The following FNBP1 variants were observed in gnomAD, a reference collection of about 807,000 sequenced individuals.
FNBP1 encodes the protein formin binding protein 1.
In FNBP1, 26 loss-of-function variants were observed where a neutral mutation model predicts 90.6. The observed-to-expected ratio is 0.29, with a 90% CI of 0.21 to 0.40. FNBP1 has a LOEUF of 0.40. Among genes scored for constraint, FNBP1 ranks in the 10% least tolerant of loss-of-function variants. The pLI is 1.00. For missense variants in FNBP1, 635 were observed against 768.0 expected, an observed-to-expected ratio of 0.83 and a Z score of 2.05; for synonymous variants, 260 against 265.2, an observed-to-expected ratio of 0.98 and a Z score of 0.19.
rs1342853020 is a variant in FNBP1, at chr9:130,042,257, G to A, written c.24+695C>T. On this transcript the variant is annotated intron_variant, in intron 1 of 16. Transcript: ENST00000446176. This position sits in a 1 kb window ranked among gnomAD's most constrained non-coding sequence, Gnocchi z 5.5. The stretch of plus-strand genomic sequence containing the variant: ...GTTAAAGATCATTGACCCCGCGAAC[G>A]CCTCTTCCTGAGGTAGATCACGTAA... Among the ~76,000 whole-genome samples the A allele has an allele frequency of 6.6e-6, 1 of 152,064 alleles. No individual in the cohort carries two copies. The highest frequency in any genetic ancestry group is 1.5e-5 in the Non-Finnish European group (1 of 68,000).
intron 10 of FNBP1, among the ~76,000 whole-genome samples, chr9:129,920,639 A>C (rs1699849011): frequency 6.6e-6 from 1 of 152,118 alleles, no homozygotes; most frequent in Non-Finnish European, 1.5e-5. Flanking sequence ...TTTATTGATT[A>C]CTGAATTCTT....
intron 12 of FNBP1, among the ~76,000 whole-genome samples, chr9:129,907,578 A>AGGG (rs1357383985): frequency 8.5e-6 from 1 of 117,432 alleles, no homozygotes; most frequent in African/African-American, 3.3e-5. Context: ...GCTAGGAGTG[A>AGGG]GGGTGTGTGT....
chr9:129,915,980 G>C lies in FNBP1; in HGVS notation c.1171C>G (p.Leu391Val). The change falls in exon 11 of 17, where the codon CTT (leucine) becomes GTT (valine). Residue 391 changes from leucine to valine, a missense_variant and splice_region_variant. Transcript: ENST00000446176. ...IHCFRSLKRG[L>V]SLKLGATPED... ...ATTGTGCTTACCAGCTTGAGAGAAA[G>C]CTTCATGTAAAAATTGGAGAGGTAT... 1 of 1,608,026 alleles carries C rather than the reference G, an allele frequency of 6.2e-7. No homozygotes were observed. The highest frequency in any genetic ancestry group is 8.5e-7 in the Non-Finnish European group (1 of 1,175,310).
intron 11 of FNBP1, 87 bp from the exon 12 acceptor site, chr9:129,909,086 G>A: frequency 1.2e-6 from 1 of 867,812 alleles, no homozygotes; most frequent in Non-Finnish European, 2.0e-6. Flanking sequence ...GCCATGGGGG[G>A]TGCAGACATC....
chr9:129,896,085 C>G (rs2035687907), intron 15 of FNBP1, 89 bp from the exon 16 acceptor site: 22 of 1,379,976 alleles, frequency 1.6e-5, no homozygotes, highest in Non-Finnish European at 2.2e-5. Context: ...CAAGTGTCGT[C>G]GAAGATGAAG....
chr9:129,935,121 A>T (rs982430706), intron 6 of FNBP1, among the ~76,000 whole-genome samples: 25 of 127,046 alleles, frequency 2.0e-4, no homozygotes, highest in Admixed American at 4.1e-4. Flanking sequence ...TGTTTAGCTC[A>T]TTTTTTTTTT....
At chr9:129,940,460 A>G (rs1333645855) in intron 6 of FNBP1, among the ~76,000 whole-genome samples, 2 of 152,160 alleles carry the variant, frequency 1.3e-5, no homozygotes, top group Non-Finnish European at 2.9e-5. Context: ...AAGTTACATC[A>G]TATGTAATAT....
At chr9:130,024,545 C>T (rs551344512) in intron 1 of FNBP1, among the ~76,000 whole-genome samples, 18 of 152,148 alleles carry the variant, frequency 1.2e-4, no homozygotes, top group Non-Finnish European at 2.2e-4. Flanking sequence ...CTCTAACAAT[C>T]CAATGCCAAT....
At chr9:129,965,520 G>C (rs1415790751) in intron 4 of FNBP1, among the ~76,000 whole-genome samples, 2 of 152,024 alleles carry the variant, frequency 1.3e-5, no homozygotes, top group African/African-American at 2.4e-5. Flanking sequence ...ATGCAGCAAT[G>C]ATCTTTTATC....
At chr9:129,965,798 G>GA (rs1336364653) in intron 4 of FNBP1, among the ~76,000 whole-genome samples, 2,387 of 122,508 alleles carry the variant, frequency 0.019, 44 homozygotes, top group Non-Finnish European at 0.022. Context: ...GGGAGGGAGG[G>GA]GGGAAGGAGG....
At chr9:129,985,206 G>A (rs898749353) in intron 2 of FNBP1, among the ~76,000 whole-genome samples, 1 of 152,068 alleles carries the variant, frequency 6.6e-6, no homozygotes, top group Non-Finnish European at 1.5e-5. Flanking sequence ...GAAATGGAAC[G>A]AAGTGTGGCA....
rs1018506252 is a variant in FNBP1 at position 130,014,565 on chromosome 9, C to T, written c.25-19607G>A. Among the ~76,000 whole-genome samples, 5 of 152,088 alleles carry T rather than the reference C, an allele frequency of 3.3e-5. No individual in the cohort carries two copies. The East Asian group carries it at 9.6e-4, about 29-fold the overall frequency. The stretch of plus-strand genomic sequence containing the variant: ...CCGTGCCCAGCCTAATGTTCTATTT[C>T]TTAGGCTGGGTGGCATGTACATGGA... On this transcript the variant is annotated intron_variant, in intron 1 of 16. Coordinates refer to ENST00000446176, the MANE Select transcript of FNBP1 (RefSeq NM_015033.3).
rs1228272465 is a variant in FNBP1, at chr9:130,041,993, T to C, written c.24+959A>G. 6.6e-6 allele frequency among the ~76,000 whole-genome samples: 1 copy of C among 152,110 alleles called. No individual in the cohort carries two copies. Among genetic ancestry groups the C allele is most frequent in the Non-Finnish European group, 1.5e-5 (1 of 68,024 alleles). ...CTTGAGGGCATTTCAGTGCAGTAAC[T>C]GAGATTTCGTCTGCTCCTTCCCGGG... On this transcript the variant is annotated intron_variant, in intron 1 of 16. Coordinates refer to ENST00000446176, the MANE Select transcript of FNBP1 (RefSeq NM_015033.3). This position sits in a 1 kb window ranked among gnomAD's most constrained non-coding sequence, Gnocchi z 4.3.
chr9:130,050,825 G>GTTT, the FNBP1 span, among the ~76,000 whole-genome samples: 3 of 147,194 alleles, frequency 2.0e-5, no homozygotes, highest in Admixed American at 6.8e-5. Flanking sequence ...TTTTTTTTTT[G>GTTT]TTTTTTTGTT....
chr9:129,936,274 T>C (rs1248763062), intron 6 of FNBP1: 1 of 152,194 alleles, frequency 6.6e-6, no homozygotes, highest in East Asian at 1.9e-4. Flanking sequence ...TATGTTAGGA[T>C]GGATGGAAAT....
In FNBP1 at chr9:129,908,952, CCTT is replaced by C; in HGVS notation, c.1230_1232del (p.Arg411del). 1 of 1,613,786 alleles carries C rather than the reference CCTT, an allele frequency of 6.2e-7. No individual in the cohort carries two copies. Among genetic ancestry groups the C allele is most frequent in the Non-Finnish European group, 8.5e-7 (1 of 1,179,826 alleles). ...CATCGACTTTCTGCTGCAGCTTTTT[CCTT>C]CTTTGTTCAGGTGGGAGGTTGCTGA... On this transcript the variant is annotated inframe_deletion, in exon 12 of 17. Coordinates refer to ENST00000446176, the MANE Select transcript of FNBP1 (RefSeq NM_015033.3).
At chr9:129,911,025 T>G (rs1485476038) in intron 11 of FNBP1, among the ~76,000 whole-genome samples, 1 of 152,174 alleles carries the variant, frequency 6.6e-6, no homozygotes, top group Non-Finnish European at 1.5e-5. Flanking sequence ...ACAATATTTA[T>G]TTGAAAACTG....
At chr9:129,931,569 A>G (rs10117776) in intron 6 of FNBP1, among the ~76,000 whole-genome samples, 125,897 of 151,756 alleles carry the variant, frequency 0.83, 52,449 homozygotes, top group East Asian at 0.91. Flanking sequence ...TCGCGCCACT[A>G]TACTCCAGCC....
chr9:129,983,119 A>C (rs1178384852), intron 2 of FNBP1, among the ~76,000 whole-genome samples: 1 of 152,180 alleles, frequency 6.6e-6, no homozygotes, highest in Non-Finnish European at 1.5e-5. Context: ...GCAGCCATAA[A>C]AATCATGTAA....
Sources: allele counts gnomAD v4.1 joint callset (sites outside exome capture counted in the v4.1 genomes callset), GRCh38; gene constraint gnomAD v4.1.1; non-coding constraint Gnocchi (gnomAD v3.1); transcripts MANE v1.5; gene names NCBI Gene and HGNC (gene_info 2026-07-23, HGNC 2026-07-21).